Variants in CTNNA3 observed in about 807,000 individuals in gnomAD.
CTNNA3 encodes catenin alpha-3.
Under a neutral mutation model 95.7 loss-of-function variants are expected in CTNNA3, and 76 were observed. The ratio of observed to expected loss-of-function variants is 0.79; its 90% CI spans 0.66 to 0.96. CTNNA3 has a LOEUF of 0.96. CTNNA3 is among the 40% of genes least tolerant of loss of function. The pLI is 0.00. For missense variants in CTNNA3, 1,191 were observed against 1,089.8 expected (o/e 1.09, Z -1.31); for synonymous variants, 431 against 374.4 (o/e 1.15, Z -1.74).
At chr10:65,976,430 A>G (rs2078208760) in intron 16 of CTNNA3, among the ~76,000 whole-genome samples, 1 of 152,200 alleles carries the variant, frequency 6.6e-6, no homozygotes, top group African/African-American at 2.4e-5. Flanking sequence ...CCAAGGCCAC[A>G]GTAGAAAAGC....
At chr10:67,734,717 A>T (rs957211310) in intron 1 of CTNNA3, among the ~76,000 whole-genome samples, 1 of 152,188 alleles carries the variant, frequency 6.6e-6, no homozygotes, top group African/African-American at 2.4e-5. Context: ...AAATCCTTTT[A>T]AAAGTACATA....
chr10:66,340,759 T>C (rs554733507), intron 12 of CTNNA3, among the ~76,000 whole-genome samples: 11 of 151,770 alleles, frequency 7.2e-5, no homozygotes, highest in African/African-American at 1.7e-4. Flanking sequence ...CTGAGAGATA[T>C]ACGGATGAGA....
At chr10:66,571,059 A>C (rs1179956801) in intron 10 of CTNNA3, among the ~76,000 whole-genome samples, 1 of 152,208 alleles carries the variant, frequency 6.6e-6, no homozygotes, top group African/African-American at 2.4e-5. Flanking sequence ...TTTAAGCAAG[A>C]TAGTAATCAA....
In CTNNA3 at chr10:65,919,373, A is replaced by G. The variant is rs926399563; in HGVS notation, c.*957T>C. The G allele has an allele frequency of 1.3e-5, 2 of 152,178 alleles. No homozygotes were observed. The highest frequency in any genetic ancestry group is 2.9e-5 in the Non-Finnish European group (2 of 68,026). 9.4% of individuals were successfully genotyped at this position (152,178 alleles called of 1,614,324 possible). ...GGTACAGTTCATGCAGTTATATTTTACTCAACGTCAAAAGATTTTTCAAAC... is the reference window on the plus strand; with the variant it reads ...GGTACAGTTCATGCAGTTATATTTTGCTCAACGTCAAAAGATTTTTCAAAC... On this transcript the variant is annotated 3_prime_UTR_variant, in exon 18 of 18. Coordinates refer to ENST00000433211, the MANE Select transcript of CTNNA3 (RefSeq NM_013266.4).
At chr10:67,727,442 T>C (rs1187345560) in intron 1 of CTNNA3, among the ~76,000 whole-genome samples, 4 of 134,016 alleles carry the variant, frequency 3.0e-5, no homozygotes, top group African/African-American at 5.4e-5. Context: ...GAATTTTCTA[T>C]ATATTATATA....
At chr10:67,053,253 G>C (rs1173978087) in intron 7 of CTNNA3, among the ~76,000 whole-genome samples, 1 of 152,162 alleles carries the variant, frequency 6.6e-6, no homozygotes, top group Admixed American at 6.5e-5. Context: ...CTAGGATGCA[G>C]TGTTTTCCAA....
intron 5 of CTNNA3, among the ~76,000 whole-genome samples, chr10:67,435,220 G>C (rs1846260260): frequency 6.6e-6 from 1 of 151,658 alleles, no homozygotes; most frequent in South Asian, 2.1e-4. Flanking sequence ...CTCCTTTCTG[G>C]CAACAGCTCT....
At chr10:67,455,386 A>T (rs1256078043) in intron 5 of CTNNA3, among the ~76,000 whole-genome samples, 1 of 152,184 alleles carries the variant, frequency 6.6e-6, no homozygotes, top group African/African-American at 2.4e-5. Flanking sequence ...AAGAATTCCA[A>T]CTAGTTTACA....
intron 7 of CTNNA3, among the ~76,000 whole-genome samples, chr10:67,068,915 C>G (rs10997492): frequency 0.12 from 18,170 of 152,076 alleles, 1,296 homozygotes; most frequent in African/African-American, 0.2. Context: ...CAGAAATTAG[C>G]TGGGCCTGGT....
chr10:66,236,807 A>G (rs989794873), intron 13 of CTNNA3, among the ~76,000 whole-genome samples: 34 of 151,876 alleles, frequency 2.2e-4, no homozygotes, highest in Admixed American at 1.4e-3. Context: ...TACTAGCTGC[A>G]TATAGTTGAT....
At chr10:66,461,972 C>T (rs1297323367) in intron 11 of CTNNA3, among the ~76,000 whole-genome samples, 1 of 151,592 alleles carries the variant, frequency 6.6e-6, no homozygotes, top group Non-Finnish European at 1.5e-5. Flanking sequence ...GCCACCACAC[C>T]CGGCTAATTT....
chr10:67,050,847 A>G (rs1855046805), intron 7 of CTNNA3, among the ~76,000 whole-genome samples: 1 of 152,226 alleles, frequency 6.6e-6, no homozygotes, highest in Admixed American at 6.5e-5. Context: ...GTTTCTTAAA[A>G]TATTTATGCA....
intron 7 of CTNNA3, among the ~76,000 whole-genome samples, chr10:67,154,172 T>G (rs1473073567): frequency 6.6e-6 from 1 of 152,198 alleles, no homozygotes; most frequent in Non-Finnish European, 1.5e-5. Flanking sequence ...TTAGGAATGT[T>G]TTATAACTTT....
At chr10:66,137,171 G>T (rs148440466) in intron 13 of CTNNA3, among the ~76,000 whole-genome samples, 18 of 152,196 alleles carry the variant, frequency 1.2e-4, no homozygotes, top group African/African-American at 4.3e-4. Context: ...GAGACTTCTT[G>T]AGACTTTTTT....
intron 14 of CTNNA3, among the ~76,000 whole-genome samples, chr10:66,086,875 G>A (rs554373882): frequency 6.6e-6 from 1 of 151,984 alleles, no homozygotes; most frequent in Non-Finnish European, 1.5e-5. Flanking sequence ...AGTTAGTGAG[G>A]GTGAAAGAGT....
intron 5 of CTNNA3, among the ~76,000 whole-genome samples, chr10:67,402,041 T>A (rs1319896555): frequency 6.6e-6 from 1 of 152,186 alleles, no homozygotes; most frequent in African/African-American, 2.4e-5. Context: ...CACTGCCCCC[T>A]TACCTCCAAA....
rs141904539 is a variant in CTNNA3, at chr10:67,554,821, T to C, written c.293-15152A>G. ...TGCTTTTGGTGTTTTAGACATGAAGTCCTTGCGCATGCCTATGTCCTGAAT... is the reference window on the plus strand; with the variant it reads ...TGCTTTTGGTGTTTTAGACATGAAGCCCTTGCGCATGCCTATGTCCTGAAT... On this transcript the variant is annotated intron_variant, in intron 3 of 17. Transcript: ENST00000433211. 7.8e-3 allele frequency among the ~76,000 whole-genome samples: 1,183 copies of C among 152,320 alleles called. 11 individuals are homozygous for C. The highest frequency in any genetic ancestry group is 0.027 in the African/African-American group (1,130 of 41,566).
At chr10:66,016,286 A>G (rs1158263197) in intron 15 of CTNNA3, among the ~76,000 whole-genome samples, 2 of 152,180 alleles carry the variant, frequency 1.3e-5, no homozygotes, top group African/African-American at 4.8e-5. Flanking sequence ...GTGCCTTAAG[A>G]GCCCAGGCTG....
chr10:66,992,031 T>C (rs1481639889), intron 7 of CTNNA3, among the ~76,000 whole-genome samples: 1 of 152,130 alleles, frequency 6.6e-6, no homozygotes, highest in East Asian at 1.9e-4. Flanking sequence ...CAAACATCCT[T>C]GTATGTCTCT....
Sources: allele counts gnomAD v4.1 joint callset (sites outside exome capture counted in the v4.1 genomes callset), GRCh38; gene constraint gnomAD v4.1.1; transcripts MANE v1.5; gene names NCBI Gene and HGNC (gene_info 2026-07-23, HGNC 2026-07-21).